Variants in DOP1B observed in about 807,000 individuals in gnomAD.
DOP1B encodes the protein DOP1 leucine zipper like protein B.
DOP1B carries 174 observed loss-of-function variants against 233.5 expected under a neutral mutation model. The ratio of observed to expected loss-of-function variants is 0.75; its 90% confidence interval spans 0.66 to 0.85. The LOEUF (loss-of-function observed/expected upper bound fraction) is 0.85, where lower values mean the gene tolerates loss of function less well. Ranked by LOEUF, DOP1B falls within the 40% of genes least tolerant of loss-of-function variation. DOP1B has a pLI of 0.00. For missense variants in DOP1B, 2,652 were observed against 2,846.6 expected (o/e 0.93, Z 1.56); for synonymous variants, 1,190 against 1,185.6 (o/e 1.00, Z -0.08).
At chr21:36,218,919 GC>G (rs2066592301) in intron 9 of DOP1B, among the ~76,000 whole-genome samples, 1 of 152,206 alleles carries the variant, frequency 6.6e-6, no homozygotes, top group East Asian at 1.9e-4. Flanking sequence ...TGAAGAAGTT[GC>G]CCTGCTCTCT....
chr21:36,208,574 G>C lies in DOP1B; in HGVS notation c.492-141G>C, dbSNP rs543042411. On this transcript the variant is annotated intron_variant, in intron 4 of 36. Transcript: ENST00000691173. The stretch of plus-strand genomic sequence containing the variant: ...ACACAGCAGGGTGAGAGATGGCAGC[G>C]GCTCCCGGCGATGAGGAAGGTGGGG... The C allele has an allele frequency of 8.5e-6, 7 of 826,744 alleles. No homozygotes were observed. In the South Asian group the frequency reaches 1.1e-4, roughly 13 times the overall value. The allele number at this position is 826,744 out of a possible 1,614,324, so 51.2% of individuals were successfully genotyped here.
At chr21:36,210,965 A>C (rs910318331) in intron 5 of DOP1B, among the ~76,000 whole-genome samples, 10 of 152,196 alleles carry the variant, frequency 6.6e-5, no homozygotes, top group African/African-American at 2.4e-4. Context: ...GCCTGGCCTC[A>C]CAGTGCCTTT....
chr21:36,240,980 G>A (rs2066886124), intron 18 of DOP1B, among the ~76,000 whole-genome samples: 1 of 152,136 alleles, frequency 6.6e-6, no homozygotes, highest in Admixed American at 6.6e-5. Flanking sequence ...CCAAGGCCCA[G>A]AATGTGGCAA....
Position 36,281,582 on chromosome 21 carries a change from A to G in DOP1B, c.6131A>G (p.Gln2044Arg). Residue 2044 changes from glutamine (Q) to arginine (R), a missense_variant, in exon 32 of 37, where the codon CAA becomes CGA. Coordinates refer to ENST00000691173, the MANE Select transcript of DOP1B (RefSeq NM_001320714.2). ...GCTGTCTTCAGTGGAGAACTTGATC[A>G]ATACCACCTTTACCTTCCACTGATA... ...AFAVFSGELD[Q>R]YHLYLPLIQE... 2 of 1,603,220 alleles carry G rather than the reference A, an allele frequency of 1.2e-6. No homozygotes were observed. The highest frequency in any genetic ancestry group is 2.2e-5 in the South Asian group (2 of 90,674).
At chr21:36,198,156 G>A (rs750017954) in intron 2 of DOP1B, among the ~76,000 whole-genome samples, 20 of 152,058 alleles carry the variant, frequency 1.3e-4, no homozygotes, top group Non-Finnish European at 2.9e-4. Context: ...CCGGCCAGGC[G>A]CAGTGGATCA....
chr21:36,260,006 A>T (rs2067149880), intron 23 of DOP1B, among the ~76,000 whole-genome samples: 1 of 151,994 alleles, frequency 6.6e-6, no homozygotes, highest in African/African-American at 2.4e-5. Context: ...CATCTTCTAA[A>T]CTAAGAACTA....
intron 2 of DOP1B, among the ~76,000 whole-genome samples, chr21:36,167,940 C>CTTTTTTTTTT (rs869190433): frequency 4.5e-4 from 18 of 40,028 alleles, no homozygotes; most frequent in African/African-American, 6.5e-4. Context: ...TTTTCTTTTT[C>CTTTTTTTTTT]TTTTTTTTTT....
At chr21:36,249,203 G>A (rs1454564122) in intron 21 of DOP1B, among the ~76,000 whole-genome samples, 1 of 151,994 alleles carries the variant, frequency 6.6e-6, no homozygotes, top group Admixed American at 6.6e-5. Flanking sequence ...AAGATGGGGT[G>A]GATTGCTTGA....
chr21:36,285,139 A>C (rs1317641093), intron 32 of DOP1B, among the ~76,000 whole-genome samples: 1 of 152,062 alleles, frequency 6.6e-6, no homozygotes, highest in Admixed American at 6.6e-5. Context: ...GGCTCACTGC[A>C]ACCTCCGCCT....
intron 4 of DOP1B, among the ~76,000 whole-genome samples, chr21:36,205,294 TGA>T (rs1280038441): frequency 6.6e-6 from 1 of 152,040 alleles, no homozygotes; most frequent in Non-Finnish European, 1.5e-5. Flanking sequence ...GCAGGAGGCA[TGA>T]GAGAGCATAA....
At position 36,175,236 on chromosome 21, in the gene DOP1B, A is replaced by G. The variant is rs1030293260; in HGVS notation, c.138+10365A>G. ...AGCGATTCTTCTGCCTCAGCCTCCA[A>G]AGTAGCTGGGATTACAGGTGCCTGC... is the stretch of plus-strand genomic sequence containing the variant. On this transcript the variant is annotated intron_variant, in intron 2 of 36. Coordinates refer to ENST00000691173, the MANE Select transcript of DOP1B (RefSeq NM_001320714.2). 3.3e-5 allele frequency among the ~76,000 whole-genome samples: 5 copies of G among 151,884 alleles called. 1 individual carries two copies. Among genetic ancestry groups the G allele is most frequent in the Non-Finnish European group, 2.9e-5 (2 of 67,894 alleles).
rs375532525 is a variant in DOP1B, at chr21:36,246,170, C to T, written c.4190C>T (p.Thr1397Met). ...CTCTCCCTGTCGGCGTCCATGTACA[C>T]GAGCCAGAAGCGCTACGGGCTGGCC... ...VLLSLSASMY[T>M]SQKRYGLATA... Residue 1397 changes from threonine to methionine, a missense_variant, in exon 19 of 37, where the codon ACG (threonine) becomes ATG (methionine). This residue lies in a region of DOP1B where 2,617 missense variants were observed against 2,794.3 expected (regional missense o/e 0.94). Coordinates refer to ENST00000691173, the MANE Select transcript of DOP1B (RefSeq NM_001320714.2). The surrounding 1 kb of genome is among the most constrained non-coding windows in gnomAD (Gnocchi z 5.1). The T allele has an allele frequency of 8.2e-5, 133 of 1,613,532 alleles. No homozygotes were observed. The highest frequency in any genetic ancestry group is 4.9e-4 in the Middle Eastern group (3 of 6,084).
intron 32 of DOP1B, among the ~76,000 whole-genome samples, chr21:36,282,835 G>A (rs2067433523): frequency 6.6e-6 from 1 of 151,920 alleles, no homozygotes; most frequent in South Asian, 2.1e-4. Context: ...AATAAGCCTG[G>A]TGTGGTGACT....
rs907852121 is a variant in DOP1B, at chr21:36,278,281, G to A, written c.5895G>A (p.Lys1965=). The A allele has an allele frequency of 2.5e-6, 4 of 1,613,958 alleles. No individual in the cohort carries two copies. The African/African-American group carries it at 4.0e-5, about 16-fold the overall frequency. The part of the protein sequence containing the change: ...LSSLSGYAYT[K]RAWRKEVLEL... ...CCCTGAGTGGCTATGCCTACACAAA[G>A]CGAGCCTGGAGGAAGGAGGTCCTGG... The change falls in exon 30 of 37, where the codon AAG becomes AAA. Residue 1965 remains lysine, a synonymous_variant. Transcript: ENST00000691173.
chr21:36,159,331 A>G (rs547947242), intron 1 of DOP1B, among the ~76,000 whole-genome samples: 1 of 152,074 alleles, frequency 6.6e-6, no homozygotes, highest in Admixed American at 6.6e-5. Flanking sequence ...CCTGCCTGTA[A>G]TCCCAGGTAC....
intron 24 of DOP1B, chr21:36,261,768 G>T: frequency 1.5e-6 from 1 of 651,132 alleles, no homozygotes; most frequent in Non-Finnish European, 1.9e-6. Context: ...AATTAGCCAG[G>T]GCTTGGTGGC....
At chr21:36,214,019 C>T in intron 7 of DOP1B, 62 bp from the exon 8 acceptor site, 2 of 1,328,110 alleles carry the variant, frequency 1.5e-6, no homozygotes, top group Non-Finnish European at 1.1e-6. Context: ...GAGACTTTTG[C>T]ACAATATGAT....
chr21:36,196,113 A>G (rs1432063624), intron 2 of DOP1B, among the ~76,000 whole-genome samples: 4 of 152,256 alleles, frequency 2.6e-5, no homozygotes, highest in African/African-American at 9.6e-5. Context: ...GATGCTCCCC[A>G]TGGGAAGTAC....
chr21:36,194,843 T>C (rs1421378836), intron 2 of DOP1B, among the ~76,000 whole-genome samples: 2 of 152,190 alleles, frequency 1.3e-5, no homozygotes, highest in Admixed American at 6.5e-5. Context: ...ATAAGCAGTC[T>C]GAGTTTGCCT....
Sources: allele counts gnomAD v4.1 joint callset (sites outside exome capture counted in the v4.1 genomes callset), GRCh38; gene constraint gnomAD v4.1.1; regional missense constraint gnomAD v4.1.1; non-coding constraint Gnocchi (gnomAD v3.1); transcripts MANE v1.5; gene names NCBI Gene and HGNC (gene_info 2026-07-23, HGNC 2026-07-21).